The following NCAM2 variants were observed in gnomAD, a reference collection of about 807,000 sequenced individuals.
NCAM2 encodes the protein N-CAM-2.
NCAM2 carries 30 observed loss-of-function variants against 98.1 expected under a neutral mutation model. The ratio of observed to expected loss-of-function variants is 0.31; its 90% CI spans 0.23 to 0.41. The LOEUF (loss-of-function observed/expected upper bound fraction) is 0.41, where lower values mean the gene tolerates loss of function less well. Ranked by LOEUF, NCAM2 falls within the 10% of genes least tolerant of loss-of-function variation. NCAM2 has a pLI of 1.00. For missense variants in NCAM2, 867 were observed against 1,005.8 expected, an observed-to-expected ratio of 0.86 and a Z score of 1.87; for synonymous variants, 368 against 342.4, an observed-to-expected ratio of 1.07 and a Z score of -0.83.
chr21:21,196,911 G>A (rs2069024397), intron 1 of NCAM2, among the ~76,000 whole-genome samples: 1 of 152,106 alleles, frequency 6.6e-6, no homozygotes, highest in Non-Finnish European at 1.5e-5. Flanking sequence ...TACTGAGTGA[G>A]TTCTTGGGAG....
intron 12 of NCAM2, among the ~76,000 whole-genome samples, chr21:21,457,257 C>A (rs1034565520): frequency 6.6e-6 from 1 of 152,034 alleles, no homozygotes; most frequent in African/African-American, 2.4e-5. Context: ...TCTGTTGATA[C>A]AAATATAAAC....
chr21:21,302,714 C>G (rs1568908538), intron 5 of NCAM2, among the ~76,000 whole-genome samples: 1 of 152,170 alleles, frequency 6.6e-6, no homozygotes, highest in Non-Finnish European at 1.5e-5. Flanking sequence ...AAACTTAAAA[C>G]AGATATACTA....
chr21:21,385,402 A>G (rs887447360), intron 9 of NCAM2, among the ~76,000 whole-genome samples: 2 of 151,212 alleles, frequency 1.3e-5, no homozygotes, highest in South Asian at 2.1e-4. Flanking sequence ...ACACACACGC[A>G]CACACACATA....
chr21:21,471,301 C>T (rs1984411334), intron 14 of NCAM2, among the ~76,000 whole-genome samples: 1 of 151,948 alleles, frequency 6.6e-6, no homozygotes, highest in Non-Finnish European at 1.5e-5. Context: ...CTCCTCCATC[C>T]TGTCAACATC....
intron 1 of NCAM2, among the ~76,000 whole-genome samples, chr21:21,175,921 T>G (rs1346395015): frequency 6.6e-6 from 1 of 152,224 alleles, no homozygotes; most frequent in Non-Finnish European, 1.5e-5. Flanking sequence ...ACCTTTTGTT[T>G]CCTTCCTTGT....
intron 8 of NCAM2, among the ~76,000 whole-genome samples, chr21:21,362,832 G>C (rs2075683283): frequency 6.6e-6 from 1 of 152,074 alleles, no homozygotes; most frequent in Non-Finnish European, 1.5e-5. Context: ...AATATGTTTA[G>C]GTTAATTGTT....
intron 1 of NCAM2, among the ~76,000 whole-genome samples, chr21:21,238,626 T>TA (rs1864110623): frequency 4.3e-3 from 1 of 232 alleles, no homozygotes; most frequent in Non-Finnish European, 8.9e-3. Context: ...GTGCCAATAC[T>TA]CTTTTCTTCT....
rs374401078 is a variant in NCAM2, at chr21:21,292,121, G to A, written c.499G>A (p.Ala167Thr). 5.0e-6 allele frequency: 8 copies of A among 1,609,730 alleles called. No individual in the cohort carries two copies. In the African/African-American group the frequency reaches 8.0e-5, roughly 16 times the overall value. ...TISDNRFAML[A>T]NNNLQILNIN... Reference sequence around the variant, plus strand: ...CTTTCCAGATCGGTTCGCTATGTTAGCAAACAATAACCTGCAGATTCTCAA... The same window carrying A: ...CTTTCCAGATCGGTTCGCTATGTTAACAAACAATAACCTGCAGATTCTCAA... Residue 167 changes from alanine to threonine, a missense_variant, in exon 5 of 18, where the codon GCA becomes ACA. Transcript: ENST00000400546.
In NCAM2 at chr21:21,452,261, A is replaced by G. The variant is rs576962972; in HGVS notation, c.1655-14345A>G. Among the ~76,000 whole-genome samples, 52 of 150,960 alleles carry G rather than the reference A, an allele frequency of 3.4e-4. No homozygotes were observed. In the South Asian group the frequency reaches 7.5e-3, roughly 22 times the overall value. On this transcript the variant is annotated intron_variant, in intron 12 of 17. Transcript: ENST00000400546. ...TATACATATGTGTATATGTATATAT[A>G]CATACATATTCTAACACAAATGACT...
chr21:21,351,710 A>G (rs943210196), intron 8 of NCAM2, among the ~76,000 whole-genome samples: 1 of 151,966 alleles, frequency 6.6e-6, no homozygotes, highest in Non-Finnish European at 1.5e-5. Flanking sequence ...TTATATAAAC[A>G]TCTCTCATCT....
At chr21:21,225,286 T>G (rs557238292) in intron 1 of NCAM2, among the ~76,000 whole-genome samples, 1 of 151,960 alleles carries the variant, frequency 6.6e-6, no homozygotes, top group East Asian at 1.9e-4. Context: ...TTAGGAAAGA[T>G]AGCTAATACA....
chr21:21,274,805 T>A (rs2072662463), intron 1 of NCAM2, among the ~76,000 whole-genome samples: 1 of 152,180 alleles, frequency 6.6e-6, no homozygotes, highest in African/African-American at 2.4e-5. Flanking sequence ...TATCTCCACA[T>A]GTCTTATGAA....
chr21:21,309,616 G>C (rs902557128), intron 5 of NCAM2, among the ~76,000 whole-genome samples: 2 of 152,058 alleles, frequency 1.3e-5, no homozygotes, highest in Admixed American at 6.6e-5. Flanking sequence ...TCATCTGGAG[G>C]CTCCAGGGTT....
intron 5 of NCAM2, among the ~76,000 whole-genome samples, chr21:21,307,076 A>T (rs1346384903): frequency 6.6e-6 from 1 of 152,054 alleles, no homozygotes; most frequent in Non-Finnish European, 1.5e-5. Flanking sequence ...TGGTTTTTTA[A>T]TCCATTCTGA....
rs2072132876 is a variant in NCAM2 at position 21,265,032 on chromosome 21, T to TATATATATACAC, written c.56-15540_56-15539insATACACATATAT. 8.5e-5 allele frequency among the ~76,000 whole-genome samples: 11 copies of TATATATATACAC among 129,348 alleles called. No homozygotes were observed. In the South Asian group the frequency reaches 2.6e-3, roughly 30 times the overall value. 84.9% of individuals were successfully genotyped at this position (129,348 alleles called of 152,430 possible). ...CATATATATTATATATGTGTCTGTG[T>TATATATATACAC]ATATATGTACACATATATACTATAT... On this transcript the variant is annotated intron_variant, in intron 1 of 17. Coordinates refer to ENST00000400546, the MANE Select transcript of NCAM2 (RefSeq NM_004540.5).
chr21:21,295,807 C>A (rs1025465195), intron 5 of NCAM2, among the ~76,000 whole-genome samples: 1 of 150,340 alleles, frequency 6.7e-6, no homozygotes, highest in African/African-American at 2.5e-5. Context: ...CAAAAACAGA[C>A]AAATGCAAAA....
chr21:21,036,223 G>A (rs180727940), intron 1 of NCAM2, among the ~76,000 whole-genome samples: 11 of 152,208 alleles, frequency 7.2e-5, no homozygotes, highest in Admixed American at 6.5e-4. Flanking sequence ...CATTGACTTT[G>A]CCAAATTGAT....
intron 8 of NCAM2, among the ~76,000 whole-genome samples, chr21:21,365,028 G>A (rs962839401): frequency 2.0e-5 from 3 of 152,040 alleles, no homozygotes; most frequent in Admixed American, 6.6e-5. Context: ...GATTTCAGGC[G>A]GGAGCACAGG....
chr21:21,518,161 G>A (rs1431190930), intron 16 of NCAM2, among the ~76,000 whole-genome samples: 2 of 152,066 alleles, frequency 1.3e-5, no homozygotes, highest in Non-Finnish European at 2.9e-5. Context: ...CAGGAGAATC[G>A]ATTCTTCCTA....
Sources: allele counts gnomAD v4.1 joint callset (sites outside exome capture counted in the v4.1 genomes callset), GRCh38; gene constraint gnomAD v4.1.1; transcripts MANE v1.5; gene names NCBI Gene and HGNC (gene_info 2026-07-23, HGNC 2026-07-21).